MMP8: variants seen among roughly 807,000 people sequenced by gnomAD.
MMP8 encodes matrix metallopeptidase 8, also known as neutrophil collagenase.
A neutral mutation model predicts 51.2 loss-of-function variants in MMP8; 67 were observed. That is an observed-to-expected ratio of 1.31 (90% CI 1.08 to 1.60). The LOEUF is 1.60. MMP8 is among the 40% of genes most tolerant of loss of function. MMP8 has a pLI of 0.00. For synonymous variants in MMP8, 225 were observed against 191.0 expected, an observed-to-expected ratio of 1.18 and a Z score of -1.47; for missense variants, 654 against 558.1, an observed-to-expected ratio of 1.17 and a Z score of -1.73.
intron 4 of MMP8, 63 bp downstream of exon 4, chr11:102,721,338 G>A: frequency 1.4e-6 from 2 of 1,397,766 alleles, no homozygotes; most frequent in East Asian, 2.3e-5. Context: ...GTGTGTGTGT[G>A]TATTCTAATC....
chr11:102,721,175 C>A (rs1312722701), intron 4 of MMP8, among the ~76,000 whole-genome samples: 1 of 152,108 alleles, frequency 6.6e-6, no homozygotes, highest in African/African-American at 2.4e-5. Context: ...TGATCTCTGA[C>A]CTAAGAAGTA....
chr11:102,718,513 A>G lies in MMP8; in HGVS notation c.685T>C (p.Ser229Pro), dbSNP rs776582589. 6.2e-7 allele frequency: 1 copy of G among 1,614,006 alleles called. No individual in the cohort carries two copies. Among genetic ancestry groups the G allele is most frequent in the South Asian group, 1.1e-5 (1 of 91,080 alleles). Reference protein sequence around the residue: ...FGHSLGLAHSSDPGALMYPNY... With the variant: ...FGHSLGLAHSPDPGALMYPNY... ...GGATACATCAAGGCACCAGGGTCAG[A>G]GGAGTGAGCGAGCCCCAAAGAATGG... The change falls in exon 5 of 10, where the codon TCT (serine) becomes CCT (proline). Residue 229 changes from serine to proline, a missense_variant. Coordinates refer to ENST00000236826, the MANE Select transcript of MMP8 (RefSeq NM_002424.3).
chr11:102,723,438 A>T (rs34546185), intron 1 of MMP8: 87,877 of 432,422 alleles, frequency 0.2, 10,253 homozygotes, highest in Non-Finnish European at 0.25. Flanking sequence ...GAATATCTGA[A>T]GCTGGGTAAC....
intron 4 of MMP8, 82 bp downstream of exon 4, chr11:102,721,319 T>TGTGG (rs2134312190): frequency 1.5e-6 from 1 of 650,624 alleles, no homozygotes; most frequent in Non-Finnish European, 2.2e-6. Context: ...TTACCTTTAT[T>TGTGG]GTGTGTGTGT....
Position 102,722,527 on chromosome 11 carries a change from C to T in MMP8, c.249G>A (p.Leu83=), listed in dbSNP as rs774046234. 1.8e-5 allele frequency: 29 copies of T among 1,613,804 alleles called. No individual in the cohort carries two copies. Among genetic ancestry groups the T allele is most frequent in the Non-Finnish European group, 1.9e-5 (22 of 1,179,866 alleles). Residue 83 remains leucine (L), a synonymous_variant, in exon 2 of 10, where the codon CTG becomes CTA. Transcript: ENST00000236826. ...CACAGCGAGGCTTTTTCATCATGTC[C>T]AGAGTTTCCTCATTTGGCTTCCCCG... ...NVTGKPNEET[L]DMMKKPRCGV...
chr11:102,719,181 C>T (rs1861397439), intron 4 of MMP8, among the ~76,000 whole-genome samples: 1 of 152,182 alleles, frequency 6.6e-6, no homozygotes, highest in African/African-American at 2.4e-5. Flanking sequence ...CTTCCATGAG[C>T]ATAGTGCCGT....
At chr11:102,718,635 G>T in intron 4 of MMP8, 60 bp from the exon 5 acceptor site, 1 of 1,595,900 alleles carries the variant, frequency 6.3e-7, no homozygotes, top group South Asian at 1.1e-5. Context: ...GCAGAAACAT[G>T]ATCTCAAGGA....
intron 4 of MMP8, among the ~76,000 whole-genome samples, chr11:102,720,251 G>A (rs1393755405): frequency 2.6e-5 from 4 of 152,188 alleles, no homozygotes; most frequent in Non-Finnish European, 4.4e-5. Flanking sequence ...AGAGTGATGT[G>A]ATCCAAGATG....
intron 7 of MMP8, 138 bp downstream of exon 7, chr11:102,715,166 C>T: frequency 1.9e-6 from 2 of 1,057,566 alleles, no homozygotes; most frequent in Non-Finnish European, 1.3e-6. Flanking sequence ...TGATGGGGCC[C>T]AACCCTAGTC....
intron 5 of MMP8, among the ~76,000 whole-genome samples, chr11:102,717,945 G>C (rs976593927): frequency 6.6e-6 from 1 of 152,020 alleles, no homozygotes; most frequent in African/African-American, 2.4e-5. Context: ...CCTCTCTACT[G>C]AAAATACAAA....
chr11:102,713,407 C>A lies in MMP8; in HGVS notation c.1345G>T (p.Ala449Ser). 1.9e-6 allele frequency: 3 copies of A among 1,613,628 alleles called. No individual in the cohort carries two copies. The African/African-American group carries it at 4.0e-5, about 22-fold the overall frequency. ...CTTGCAACTCTGGTAACTCTCTGAG[C>A]AATAAGATCAAATGCGTAATATCTT... ...GPRYYAFDLI[A>S]QRVTRVARGN... Residue 449 changes from alanine to serine, a missense_variant, in exon 10 of 10, where the codon GCT (alanine) becomes TCT (serine). Coordinates refer to ENST00000236826, the MANE Select transcript of MMP8 (RefSeq NM_002424.3).
At chr11:102,720,304 G>A (rs1280472884) in intron 4 of MMP8, among the ~76,000 whole-genome samples, 2 of 152,172 alleles carry the variant, frequency 1.3e-5, no homozygotes, top group East Asian at 3.8e-4. Flanking sequence ...GGAAAAATTA[G>A]AGGGAGCACA....
At chr11:102,723,564 A>C (rs554744036) in intron 1 of MMP8, 33 of 451,684 alleles carry the variant, frequency 7.3e-5, no homozygotes, top group African/African-American at 6.0e-4. Context: ...ATAACATGGC[A>C]GAGAAACAAA....
At chr11:102,721,375 T>C in intron 4 of MMP8, 26 bp downstream of exon 4, 1 of 1,613,338 alleles carries the variant, frequency 6.2e-7, no homozygotes, top group Non-Finnish European at 8.5e-7. Context: ...AGAAGCTGTG[T>C]GTGGACATAA....
rs1053270892 is a variant in MMP8, at chr11:102,713,043, A to G, written c.*305T>C. ...AGTCAGATAGGCAAGTAATATAACA[A>G]TAAATCCTAGAAGTCAGATATGTAA... On this transcript the variant is annotated 3_prime_UTR_variant, in exon 10 of 10. Transcript: ENST00000236826. 2 of 234,932 alleles carry G rather than the reference A, an allele frequency of 8.5e-6. No homozygotes were observed. The highest frequency in any genetic ancestry group is 4.6e-5 in the African/African-American group (2 of 43,518). 14.6% of individuals were successfully genotyped at this position (234,932 alleles called of 1,614,324 possible). A position where few individuals can be genotyped will look rare whatever the true frequency, so the allele number is the denominator to read the frequency against.
intron 5 of MMP8, among the ~76,000 whole-genome samples, chr11:102,717,463 T>C (rs1861331572): frequency 6.6e-6 from 1 of 152,214 alleles, no homozygotes; most frequent in Non-Finnish European, 1.5e-5. Flanking sequence ...ACTTATATAT[T>C]GTGTAATTTA....
At chr11:102,721,902 G>A in intron 2 of MMP8, 140 bp from the exon 3 acceptor site, 3 of 949,900 alleles carry the variant, frequency 3.2e-6, no homozygotes, top group Non-Finnish European at 4.6e-6. Flanking sequence ...GCAGGTCTCA[G>A]GGTGGAGGAC....
At chr11:102,722,784 A>G in intron 1 of MMP8, 111 bp from the exon 2 acceptor site, 2 of 1,441,198 alleles carry the variant, frequency 1.4e-6, no homozygotes, top group Non-Finnish European at 9.3e-7. Context: ...TGACAGCCAC[A>G]GGAACAATAA....
In MMP8 at chr11:102,722,905, G is replaced by A; in HGVS notation, c.103-232C>T. The A allele has an allele frequency of 2.9e-6, 3 of 1,051,986 alleles. 1 individual carries two copies. The South Asian group carries it at 4.1e-5, about 15-fold the overall frequency. The allele number at this position is 1,051,986 out of a possible 1,614,324, so 65.2% of individuals were successfully genotyped here. A position where few individuals can be genotyped will look rare whatever the true frequency, so the allele number is the denominator to read the frequency against. On this transcript the variant is annotated intron_variant, in intron 1 of 9. Coordinates refer to ENST00000236826, the MANE Select transcript of MMP8 (RefSeq NM_002424.3). ...ATGCATAAAAAAGGGTGTCTCATAA[G>A]GGATGAGGATCACATCACACAGGCA... is the stretch of plus-strand genomic sequence containing the variant.
Sources: gnomAD v4.1 joint callset for allele counts (sites outside exome capture counted in the v4.1 genomes callset) on GRCh38, gnomAD v4.1.1 for gene constraint, MANE v1.5 for transcripts, NCBI Gene and HGNC (gene_info 2026-07-23, HGNC 2026-07-21) for gene names.